The following BDNF variants were observed in gnomAD, a reference collection of about 807,000 sequenced individuals.
BDNF encodes neurotrophic factor BDNF precursor form.
A neutral mutation model predicts 19.5 loss-of-function variants in BDNF; 1 was observed. The ratio of observed to expected loss-of-function variants is 0.05; its 90% CI spans 0.02 to 0.24. The LOEUF is 0.24. Ranked by LOEUF, BDNF falls within the 10% of genes least tolerant of loss-of-function variation. The pLI, the probability that BDNF is intolerant of heterozygous loss-of-function variation, is 1.00. For synonymous variants in BDNF, 100 were observed against 121.6 expected, an observed-to-expected ratio of 0.82 and a Z score of 1.17; for missense variants, 195 against 317.6, an observed-to-expected ratio of 0.61 and a Z score of 2.93.
chr11:27,674,647 C>A, intron 1 of BDNF: 1 of 985,330 alleles, frequency 1.0e-6, no homozygotes, highest in African/African-American at 1.7e-5. Context: ...CATTAGAATG[C>A]ACCTATATGG....
upstream of BDNF, chr11:27,700,924 C>T: frequency 7.5e-7 from 1 of 1,338,058 alleles, no homozygotes; most frequent in Non-Finnish European, 9.9e-7. Flanking sequence ...ATCCCAGCAC[C>T]CAAGTTCTCT....
intron 1 of BDNF, among the ~76,000 whole-genome samples, chr11:27,670,308 AG>A (rs1190763676): frequency 6.6e-6 from 1 of 152,230 alleles, no homozygotes; most frequent in Admixed American, 6.5e-5. Context: ...TAAAAACCCT[AG>A]AAGAAAACCT....
At chr11:27,711,268 C>A (rs1051056497) in intron 1 of BDNF, among the ~76,000 whole-genome samples, 2 of 152,114 alleles carry the variant, frequency 1.3e-5, no homozygotes, top group East Asian at 3.9e-4. Flanking sequence ...AGAATGCTCA[C>A]CATAGTGAGC....
chr11:27,664,476 A>G (rs1325947678), intron 1 of BDNF, among the ~76,000 whole-genome samples: 6 of 152,110 alleles, frequency 3.9e-5, no homozygotes, highest in African/African-American at 4.8e-5. Flanking sequence ...AAAGGAATGC[A>G]TTGTCAAGAA....
chr11:27,669,489 A>G (rs1854966705), intron 1 of BDNF, among the ~76,000 whole-genome samples: 1 of 152,218 alleles, frequency 6.6e-6, no homozygotes, highest in African/African-American at 2.4e-5. Flanking sequence ...AGATGACATG[A>G]TTGTATATTT....
At chr11:27,707,759 T>C (rs1420234129) in intron 1 of BDNF, among the ~76,000 whole-genome samples, 2 of 152,198 alleles carry the variant, frequency 1.3e-5, no homozygotes, top group African/African-American at 2.4e-5. Flanking sequence ...TAATTGTTTT[T>C]TGTTTGGTTG....
chr11:27,705,760 G>A (rs1455664110), intron 1 of BDNF, among the ~76,000 whole-genome samples: 3 of 152,166 alleles, frequency 2.0e-5, no homozygotes, highest in East Asian at 1.9e-4. Context: ...GGAAACATCC[G>A]AAACTCCTGA....
At chr11:27,710,664 A>ATGT (rs1564995350) in intron 1 of BDNF, among the ~76,000 whole-genome samples, 1 of 152,184 alleles carries the variant, frequency 6.6e-6, no homozygotes, top group Admixed American at 6.5e-5. Context: ...TGTAAACAAC[A>ATGT]TGTTAGCTTT....
exon 1 of BDNF, chr11:27,721,706 T>G: frequency 1.9e-6 from 1 of 525,466 alleles, no homozygotes; most frequent in African/African-American, 1.9e-5. Context: ...CCTTTTGAGT[T>G]CTTACGTGAT....
intron 1 of BDNF, among the ~76,000 whole-genome samples, chr11:27,714,337 A>C (rs2134109366): frequency 6.6e-6 from 1 of 152,294 alleles, no homozygotes; most frequent in South Asian, 2.1e-4. Flanking sequence ...ATTATCTATT[A>C]TCATGTGTAT....
At chr11:27,692,805 A>G (rs1475113605) in intron 1 of BDNF, among the ~76,000 whole-genome samples, 1 of 152,214 alleles carries the variant, frequency 6.6e-6, no homozygotes, top group Non-Finnish European at 1.5e-5. Flanking sequence ...CACAAATTAC[A>G]CTTATGACAG....
chr11:27,674,573 T>A (rs1855837728), intron 1 of BDNF: 1 of 984,958 alleles, frequency 1.0e-6, no homozygotes, highest in Non-Finnish European at 1.2e-6. Flanking sequence ...ATAAGGAAAA[T>A]ATTAACATCT....
exon 1 of BDNF, chr11:27,721,616 T>C: frequency 1.6e-6 from 1 of 634,724 alleles, no homozygotes; most frequent in Non-Finnish European, 2.8e-6. Flanking sequence ...CCTTGGCGAC[T>C]ACAGAAGACA....
chr11:27,658,687 G>A lies in BDNF; in HGVS notation c.-21-102C>T, dbSNP rs1184525282. 6.2e-7 allele frequency: 1 copy of A among 1,602,282 alleles called. No homozygotes were observed. Among genetic ancestry groups the A allele is most frequent in the East Asian group, 2.2e-5 (1 of 44,722 alleles). On this transcript the variant is annotated intron_variant, in intron 1 of 1. Coordinates refer to ENST00000356660, the MANE Select transcript of BDNF (RefSeq NM_001709.5). The surrounding 1 kb of genome is among the most constrained non-coding windows in gnomAD (Gnocchi z 5.7). The stretch of plus-strand genomic sequence containing the variant: ...ATTGTAATTCCAGGCCATTCTGCAG[G>A]GTCAAGGTTTTTTTATGTCTTGGTG...
At chr11:27,661,282 C>G (rs150022893) in intron 1 of BDNF, among the ~76,000 whole-genome samples, 30 of 152,204 alleles carry the variant, frequency 2.0e-4, no homozygotes, top group African/African-American at 7.2e-4. Flanking sequence ...ACACCAAACT[C>G]AATACTTTTT....
intron 1 of BDNF, among the ~76,000 whole-genome samples, chr11:27,682,324 A>G: frequency 6.6e-6 from 1 of 151,850 alleles, no homozygotes; most frequent in East Asian, 1.9e-4. Context: ...TAAAGATTCA[A>G]GGGTAATTCT....
At chr11:27,672,171 G>T (rs1292994548) in intron 1 of BDNF, among the ~76,000 whole-genome samples, 1 of 152,096 alleles carries the variant, frequency 6.6e-6, no homozygotes, top group East Asian at 1.9e-4. Context: ...ATGATAGAAA[G>T]TACAGGCTAC....
chr11:27,658,681 C>G lies in BDNF; in HGVS notation c.-21-96G>C. On this transcript the variant is annotated intron_variant, in intron 1 of 1. Transcript: ENST00000356660. The surrounding 1 kb of genome is among the most constrained non-coding windows in gnomAD (Gnocchi z 5.7). The stretch of plus-strand genomic sequence containing the variant: ...CATCTGATTGTAATTCCAGGCCATT[C>G]TGCAGGGTCAAGGTTTTTTTATGTC... 6.2e-7 allele frequency: 1 copy of G among 1,607,246 alleles called. No individual in the cohort carries two copies. Among genetic ancestry groups the G allele is most frequent in the Non-Finnish European group, 8.5e-7 (1 of 1,177,026 alleles).
chr11:27,701,157 A>T (rs566156790), upstream of BDNF: 4 of 1,222,238 alleles, frequency 3.3e-6, no homozygotes, highest in African/African-American at 6.2e-5. Flanking sequence ...TTTTTTATTG[A>T]TGAACGCCCC....
Sources: allele counts gnomAD v4.1 joint callset (sites outside exome capture counted in the v4.1 genomes callset), GRCh38; gene constraint gnomAD v4.1.1; non-coding constraint Gnocchi (gnomAD v3.1); transcripts MANE v1.5; gene names NCBI Gene and HGNC (gene_info 2026-07-23, HGNC 2026-07-21).